DPY30: variants seen among roughly 807,000 people sequenced by gnomAD.
DPY30 encodes dpy-30 histone methyltransferase complex regulatory subunit.
DPY30 carries 6 observed loss-of-function variants against 16.2 expected under a neutral mutation model. The observed-to-expected ratio is 0.37, with a 90% CI of 0.20 to 0.73. DPY30 has a LOEUF of 0.73. Ranked by LOEUF, DPY30 falls within the 30% of genes least tolerant of loss-of-function variation. DPY30 has a pLI of 0.51. For synonymous variants in DPY30, 39 were observed against 38.8 expected (o/e 1.00, Z -0.02); for missense variants, 73 against 113.1 (o/e 0.65, Z 1.61).
chr2:32,020,781 T>C (rs1353181997), downstream of DPY30, among the ~76,000 whole-genome samples: 1 of 152,128 alleles, frequency 6.6e-6, no homozygotes, highest in Non-Finnish European at 1.5e-5. Flanking sequence ...CGTAAATATT[T>C]AACATGCTGC....
intron 5 of DPY30, chr2:32,013,399 T>G (rs755378078): frequency 6.6e-6 from 1 of 152,236 alleles, no homozygotes; most frequent in Non-Finnish European, 1.5e-5. Context: ...ATCTCTAGGA[T>G]GCTCTCAATA....
chr2:32,035,468 G>A (rs985583730), intron 3 of DPY30, among the ~76,000 whole-genome samples: 8 of 150,848 alleles, frequency 5.3e-5, no homozygotes, highest in African/African-American at 2.0e-4. Flanking sequence ...TGGGTTTGGT[G>A]GCTCCCAGCT....
In DPY30 at chr2:32,014,714, A is replaced by C. The variant is rs568820154; in HGVS notation, n.378-2662T>G. ...TAGCCAGGATGGTTTCGATCTCCTGACCTCGTGATCTGCCCGCCTCGGCCT... is the reference window on the plus strand; with the variant it reads ...TAGCCAGGATGGTTTCGATCTCCTGCCCTCGTGATCTGCCCGCCTCGGCCT... On this transcript the variant is annotated intron_variant and non_coding_transcript_variant, in intron 5 of 5. Transcript: ENST00000414013. Among the ~76,000 whole-genome samples the C allele has an allele frequency of 4.6e-5, 7 of 151,696 alleles. No homozygotes were observed. In the East Asian group the frequency reaches 5.8e-4, roughly 13 times the overall value.
At chr2:32,030,222 G>C (rs1194661560) in intron 3 of DPY30, among the ~76,000 whole-genome samples, 1 of 152,088 alleles carries the variant, frequency 6.6e-6, no homozygotes, top group Non-Finnish European at 1.5e-5. Context: ...ATTCACTGTT[G>C]TCATTTTTAT....
At chr2:32,012,353 C>G (rs1674958666) in intron 5 of DPY30, among the ~76,000 whole-genome samples, 1 of 149,394 alleles carries the variant, frequency 6.7e-6, no homozygotes, top group African/African-American at 2.5e-5. Flanking sequence ...CACCAACTTG[C>G]ACAAAACATA....
intron 4 of DPY30, among the ~76,000 whole-genome samples, chr2:32,028,626 C>G (rs550803300): frequency 6.6e-6 from 1 of 151,636 alleles, no homozygotes; most frequent in Non-Finnish European, 1.5e-5. Context: ...CATGGTGAAA[C>G]CCCATCACTA....
chr2:32,029,372 T>C (rs1558587803), intron 4 of DPY30, among the ~76,000 whole-genome samples: 2 of 152,200 alleles, frequency 1.3e-5, no homozygotes, highest in Non-Finnish European at 2.9e-5. Flanking sequence ...AAATTACATG[T>C]ATATCATGAT....
In DPY30 at chr2:32,035,619, T is replaced by A. The variant is rs1055914627; in HGVS notation, c.84+3660A>T. On this transcript the variant is annotated intron_variant, in intron 3 of 4. Coordinates refer to ENST00000342166, the MANE Select transcript of DPY30 (RefSeq NM_001321209.2). Reference sequence around the variant, plus strand: ...AAAAAAAAAAACATTTATAATATATTCTATAAGTTCACAATAGAAAAAAGC... The same window carrying A: ...AAAAAAAAAAACATTTATAATATATACTATAAGTTCACAATAGAAAAAAGC... Among the ~76,000 whole-genome samples, 3 of 148,980 alleles carry A rather than the reference T, an allele frequency of 2.0e-5. No individual in the cohort carries two copies. In the Admixed American group the frequency reaches 2.0e-4, roughly 10 times the overall value.
At chr2:32,027,722 G>A (rs921883080) in intron 4 of DPY30, among the ~76,000 whole-genome samples, 6 of 142,364 alleles carry the variant, frequency 4.2e-5, no homozygotes, top group African/African-American at 1.6e-4. Context: ...TCCGCCTCCC[G>A]GGTTCACGCC....
chr2:32,015,721 T>C lies in DPY30; in HGVS notation n.378-3669A>G, dbSNP rs190804853. ...CTGACATAGTAGCACGCCCCTGTAG[T>C]ACCGCGCCCTGTAGTACCAGCTACT... is the stretch of plus-strand genomic sequence containing the variant. On this transcript the variant is annotated intron_variant and non_coding_transcript_variant, in intron 5 of 5. Coordinates refer to the DPY30 transcript ENST00000414013. Among the ~76,000 whole-genome samples the C allele has an allele frequency of 3.1e-3, 473 of 151,926 alleles. 1 individual carries two copies. Among genetic ancestry groups the C allele is most frequent in the African/African-American group, 0.011 (447 of 41,460 alleles).
rs992802832 is a variant in DPY30, at chr2:32,027,877, C to T, written c.227+1717G>A. Among the ~76,000 whole-genome samples the T allele has an allele frequency of 2.0e-5, 3 of 152,104 alleles. No homozygotes were observed. In the East Asian group the frequency reaches 5.9e-4, roughly 30 times the overall value. On this transcript the variant is annotated intron_variant, in intron 4 of 4. Transcript: ENST00000342166. Reference sequence around the variant, plus strand: ...ACTCCTGACCTCATGATCTGCCCGCCTCGGCCTCCCAAAGTGTTGGGATTA... The same window carrying T: ...ACTCCTGACCTCATGATCTGCCCGCTTCGGCCTCCCAAAGTGTTGGGATTA...
chr2:32,017,214 T>C (rs1448440441), intron 5 of DPY30, among the ~76,000 whole-genome samples: 1 of 152,132 alleles, frequency 6.6e-6, no homozygotes, highest in African/African-American at 2.4e-5. Context: ...CTGACTTCCA[T>C]TTAACCAGTT....
At chr2:32,030,490 C>A (rs1675494156) in intron 3 of DPY30, among the ~76,000 whole-genome samples, 1 of 151,946 alleles carries the variant, frequency 6.6e-6, no homozygotes, top group Non-Finnish European at 1.5e-5. Context: ...ATTCCCCGGG[C>A]GTGGTGGCAG....
At chr2:32,028,486 G>T (rs901525288) in intron 4 of DPY30, among the ~76,000 whole-genome samples, 2 of 152,122 alleles carry the variant, frequency 1.3e-5, no homozygotes, top group Non-Finnish European at 2.9e-5. Context: ...TAAAGAAAGA[G>T]AAATAATTGT....
At chr2:32,026,304 G>A (rs1675329972) in intron 4 of DPY30, among the ~76,000 whole-genome samples, 1 of 152,132 alleles carries the variant, frequency 6.6e-6, no homozygotes, top group Non-Finnish European at 1.5e-5. Context: ...CACCTACTCA[G>A]AAGGCTGAGG....
intron 4 of DPY30, among the ~76,000 whole-genome samples, chr2:32,026,906 TTTTTTTCC>T (rs1391710480): frequency 6.6e-6 from 1 of 151,112 alleles, no homozygotes; most frequent in African/African-American, 2.4e-5. Flanking sequence ...GATATCCATA[TTTTTTTCC>T]TTTTTTCCCT....
At chr2:32,039,513 G>GC (rs1232191715) in intron 1 of DPY30, 21 bp from the exon 2 acceptor site, 5 of 1,612,098 alleles carry the variant, frequency 3.1e-6, no homozygotes, top group Non-Finnish European at 4.2e-6. Flanking sequence ...AAGAAGAGCC[G>GC]CGAGTTACCT....
chr2:32,032,130 T>A (rs1675566179), intron 3 of DPY30, among the ~76,000 whole-genome samples: 1 of 152,262 alleles, frequency 6.6e-6, no homozygotes, highest in African/African-American at 2.4e-5. Flanking sequence ...TATAGCATGG[T>A]TTCCAAAGAC....
At chr2:32,031,383 G>A (rs1489461774) in intron 3 of DPY30, among the ~76,000 whole-genome samples, 2 of 151,530 alleles carry the variant, frequency 1.3e-5, no homozygotes, top group South Asian at 2.1e-4. Context: ...TCACACCACT[G>A]CACTCCAGCC....
Sources: gnomAD v4.1 joint callset for allele counts (sites outside exome capture counted in the v4.1 genomes callset) on GRCh38, gnomAD v4.1.1 for gene constraint, MANE v1.5 for transcripts, NCBI Gene and HGNC (gene_info 2026-07-23, HGNC 2026-07-21) for gene names.